Variants in PPP2R2D observed in about 807,000 individuals in gnomAD.
PPP2R2D encodes the protein protein phosphatase 2 regulatory subunit Bdelta.
Under a neutral mutation model 31.1 loss-of-function variants are expected in PPP2R2D, and 9 were observed. That is an observed-to-expected ratio of 0.29 (90% CI 0.17 to 0.51). PPP2R2D has a LOEUF of 0.51. PPP2R2D is among the 20% of genes least tolerant of loss of function. The probability of loss-of-function intolerance (pLI) is 0.98; values close to 1 mark genes in which losing one functional copy is unlikely to be tolerated. For synonymous variants in PPP2R2D, 179 were observed against 172.6 expected (o/e 1.04, Z -0.29); for missense variants, 391 against 465.6 (o/e 0.84, Z 1.48).
intron 3 of PPP2R2D, chr10:131,934,893 G>C (rs1564818839): frequency 2.2e-6 from 1 of 461,884 alleles, no homozygotes; most frequent in South Asian, 1.5e-5. Flanking sequence ...CGCCTATGCA[G>C]GTACTGGCCC....
chr10:131,910,012 C>T (rs1169300630), intron 2 of PPP2R2D, among the ~76,000 whole-genome samples: 4 of 152,152 alleles, frequency 2.6e-5, no homozygotes, highest in East Asian at 3.8e-4. Context: ...TTCTGCATTC[C>T]GTGTGTTCCA....
chr10:131,936,983 G>A (rs968696485), intron 3 of PPP2R2D, among the ~76,000 whole-genome samples: 5 of 152,246 alleles, frequency 3.3e-5, no homozygotes, highest in African/African-American at 9.6e-5. Flanking sequence ...CGGAGGCCGC[G>A]GATGGTGTTG....
chr10:131,907,690 C>T (rs959684677), intron 2 of PPP2R2D, among the ~76,000 whole-genome samples: 1 of 149,878 alleles, frequency 6.7e-6, no homozygotes, highest in Non-Finnish European at 1.5e-5. Flanking sequence ...TTGCAGTGAG[C>T]GGAGATCACG....
Position 131,930,183 on chromosome 10 carries a change from C to T in PPP2R2D, c.101-4275C>T, listed in dbSNP as rs559180735. On this transcript the variant is annotated intron_variant, in intron 2 of 8. Coordinates refer to ENST00000455566, the MANE Select transcript of PPP2R2D (RefSeq NM_018461.5). ...TCACTTTCCTAGGTCTAATGATTGCCTGATTTTCTCATATGCTTAGTTATC... is the reference window on the plus strand; with the variant it reads ...TCACTTTCCTAGGTCTAATGATTGCTTGATTTTCTCATATGCTTAGTTATC... 3.2e-4 allele frequency among the ~76,000 whole-genome samples: 48 copies of T among 152,278 alleles called. 1 individual carries two copies. In the South Asian group the frequency reaches 1.0e-2, roughly 32 times the overall value.
intron 3 of PPP2R2D, chr10:131,934,796 A>G (rs554555088): frequency 2.0e-5 from 11 of 559,776 alleles, no homozygotes; most frequent in East Asian, 4.1e-5. Context: ...TGGGGACCCC[A>G]TGAAGGATGC....
chr10:131,922,478 A>G (rs2036007669), intron 2 of PPP2R2D, among the ~76,000 whole-genome samples: 1 of 149,978 alleles, frequency 6.7e-6, no homozygotes, highest in Admixed American at 6.6e-5. Flanking sequence ...TTTGAGACAG[A>G]ATCTCACACT....
chr10:131,962,278 C>T (rs1022643910), downstream of PPP2R2D, among the ~76,000 whole-genome samples: 2 of 152,154 alleles, frequency 1.3e-5, no homozygotes, highest in African/African-American at 2.4e-5. Flanking sequence ...TCATCACGCA[C>T]GGGAAACAGG....
Position 131,944,165 on chromosome 10 carries a change from C to G in PPP2R2D, c.655+20C>G. The stretch of plus-strand genomic sequence containing the variant: ...GCTTTAGTATCCTTCCTCAGAGGGA[C>G]ACTGGCGTCTTCCCGAGGGTGCTCT... On this transcript the variant is annotated intron_variant, in intron 6 of 8. Transcript: ENST00000455566. 6.3e-7 allele frequency: 1 copy of G among 1,593,726 alleles called. No homozygotes were observed. The highest frequency in any genetic ancestry group is 8.6e-7 in the Non-Finnish European group (1 of 1,169,036).
At chr10:131,955,244 A>G (rs1211525555) in intron 8 of PPP2R2D, among the ~76,000 whole-genome samples, 2 of 152,214 alleles carry the variant, frequency 1.3e-5, no homozygotes. Context: ...TTTTGAAATT[A>G]ATAGAAAAGC....
chr10:131,962,053 T>G (rs1225554945), downstream of PPP2R2D, among the ~76,000 whole-genome samples: 9 of 152,230 alleles, frequency 5.9e-5, no homozygotes, highest in Admixed American at 2.0e-4. Flanking sequence ...TGCCCGGGAC[T>G]CTGCTTCTGA....
chr10:131,947,724 C>T lies in PPP2R2D; in HGVS notation c.1015C>T (p.Leu339Phe). Reference protein sequence around the residue: ...HQVHEYLRSKLCSLYENDCIF... With the variant: ...HQVHEYLRSKFCSLYENDCIF... ...GGTCCACGAGTACCTGCGCAGCAAG[C>T]TCTGCTCTCTCTATGAGAACGACTG... Residue 339 changes from leucine to phenylalanine, a missense_variant, in exon 8 of 9, where the codon CTC becomes TTC. Physicochemically the swap from Leu to Phe is conservative, Grantham distance 22. Transcript: ENST00000455566. This position sits in a 1 kb window ranked among gnomAD's most constrained non-coding sequence, Gnocchi z 4.3. The T allele has an allele frequency of 6.2e-7, 1 of 1,614,234 alleles. No homozygotes were observed. The highest frequency in any genetic ancestry group is 1.1e-5 in the South Asian group (1 of 91,082).
intron 2 of PPP2R2D, among the ~76,000 whole-genome samples, chr10:131,926,837 G>C (rs1471026616): frequency 6.6e-6 from 1 of 152,236 alleles, no homozygotes; most frequent in African/African-American, 2.4e-5. Flanking sequence ...CCTTGCCTCT[G>C]CCCAGCGTGT....
At position 131,945,244 on chromosome 10, in the gene PPP2R2D, T is replaced by A; in HGVS notation, c.656-51T>A. The A allele has an allele frequency of 6.4e-7, 1 of 1,573,644 alleles. No homozygotes were observed. On this transcript the variant is annotated intron_variant, in intron 6 of 8. Coordinates refer to ENST00000455566, the MANE Select transcript of PPP2R2D (RefSeq NM_018461.5). The surrounding 1 kb of genome is among the most constrained non-coding windows in gnomAD (Gnocchi z 4.8). ...CTATTTCGCGTGACTGAATGTAGACTAATTAACAACCAGCTGAGCTGAGCA... is the reference window on the plus strand; with the variant it reads ...CTATTTCGCGTGACTGAATGTAGACAAATTAACAACCAGCTGAGCTGAGCA...
At chr10:131,940,218 G>A in intron 4 of PPP2R2D, 22 bp downstream of exon 4, 1 of 653,572 alleles carries the variant, frequency 1.5e-6, no homozygotes, top group African/African-American at 1.8e-5. Flanking sequence ...GTTCTAAGTG[G>A]CTGTTTGATT....
At chr10:131,901,357 G>T in intron 2 of PPP2R2D, 27 bp downstream of exon 2, 1 of 354,694 alleles carries the variant, frequency 2.8e-6, no homozygotes. Context: ...GCCCCGCCCC[G>T]GGACCCTCGC....
intron 8 of PPP2R2D, among the ~76,000 whole-genome samples, 157 bp from the exon 9 acceptor site, chr10:131,955,527 T>C (rs2036776562): frequency 6.6e-6 from 1 of 152,154 alleles, no homozygotes; most frequent in Non-Finnish European, 1.5e-5. Flanking sequence ...TCACTGCATT[T>C]CTCTTCTGCC....
At chr10:131,938,998 A>T (rs1403727405) in intron 3 of PPP2R2D, among the ~76,000 whole-genome samples, 1 of 152,252 alleles carries the variant, frequency 6.6e-6, no homozygotes, top group African/African-American at 2.4e-5. Flanking sequence ...CTCTACCCAG[A>T]TGGTGCAGAA....
chr10:131,920,032 C>A (rs1305643428), intron 2 of PPP2R2D, among the ~76,000 whole-genome samples: 1 of 148,836 alleles, frequency 6.7e-6, no homozygotes, highest in Non-Finnish European at 1.5e-5. Context: ...GGTGGGATGA[C>A]ACAGTGTAGG....
rs529473687 is a variant in PPP2R2D at position 131,914,649 on chromosome 10, C to G, written c.100+13319C>G. On this transcript the variant is annotated intron_variant, in intron 2 of 8. Transcript: ENST00000455566. ...ACACACTTTGTGGAGTAAGAGTGTT[C>G]TGGGCCCCTCGGAGAGCAGTCTGTG... Among the ~76,000 whole-genome samples, 110 of 152,280 alleles carry G rather than the reference C, an allele frequency of 7.2e-4. 1 individual carries two copies. The highest frequency in any genetic ancestry group is 2.5e-3 in the African/African-American group (103 of 41,582).
Sources: gnomAD v4.1 joint callset for allele counts (sites outside exome capture counted in the v4.1 genomes callset) on GRCh38, gnomAD v4.1.1 for gene constraint, Gnocchi (gnomAD v3.1) non-coding constraint, MANE v1.5 for transcripts, NCBI Gene and HGNC (gene_info 2026-07-23, HGNC 2026-07-21) for gene names.